Variants in LHFPL3 observed in about 807,000 individuals in gnomAD.
LHFPL3 encodes LHFPL tetraspan subfamily member 3 protein.
In LHFPL3, 5 loss-of-function variants were observed where a neutral mutation model predicts 19.3. The observed-to-expected ratio is 0.26, with a 90% CI of 0.14 to 0.54. The LOEUF is 0.54. Among genes scored for constraint, LHFPL3 ranks in the 20% least tolerant of loss-of-function variants. The pLI, the probability that LHFPL3 is intolerant of heterozygous loss-of-function variation, is 0.94. For synonymous variants in LHFPL3, 133 were observed against 126.2 expected (o/e 1.05, Z -0.36); for missense variants, 249 against 307.4 (o/e 0.81, Z 1.42).
intron 1 of LHFPL3, among the ~76,000 whole-genome samples, chr7:104,431,893 G>A (rs1792010061): frequency 6.6e-6 from 1 of 152,172 alleles, no homozygotes; most frequent in Non-Finnish European, 1.5e-5. Flanking sequence ...TTTGTGGTCT[G>A]CCAGTCCTGG....
At chr7:104,824,463 TATATA>T (rs1790766927) in intron 2 of LHFPL3, among the ~76,000 whole-genome samples, 1 of 54,222 alleles carries the variant, frequency 1.8e-5, no homozygotes, top group South Asian at 6.2e-4. Context: ...TATATAATTT[TATATA>T]TAATATATAA....
chr7:104,576,546 A>G (rs1330831066), intron 1 of LHFPL3, among the ~76,000 whole-genome samples: 1 of 152,198 alleles, frequency 6.6e-6, no homozygotes, highest in African/African-American at 2.4e-5. Context: ...CTAAACAAAG[A>G]GTAGATTCAC....
At chr7:104,904,460 G>A (rs929685923) in intron 2 of LHFPL3, among the ~76,000 whole-genome samples, 1 of 152,142 alleles carries the variant, frequency 6.6e-6, no homozygotes, top group African/African-American at 2.4e-5. Context: ...AGACCAGCCT[G>A]GCCAACATGG....
chr7:104,695,419 T>C (rs1040534683), intron 1 of LHFPL3, among the ~76,000 whole-genome samples: 6 of 152,246 alleles, frequency 3.9e-5, no homozygotes, highest in Non-Finnish European at 7.3e-5. Context: ...GATGAGACTC[T>C]TATCAAGAGG....
intron 1 of LHFPL3, among the ~76,000 whole-genome samples, chr7:104,607,610 C>A (rs537224069): frequency 6.6e-6 from 1 of 152,210 alleles, no homozygotes; most frequent in South Asian, 2.1e-4. Flanking sequence ...GTCTAAAACA[C>A]CAAAAGCAAT....
rs1790472042 is a variant in LHFPL3 at position 104,582,067 on chromosome 7, A to G, written c.446-154608A>G. ...TGAATATATGACTGATAACTATACT[A>G]AATCTTCCAATTCAAGAACTTGGCG... On this transcript the variant is annotated intron_variant, in intron 1 of 2. Transcript: ENST00000424859. Among the ~76,000 whole-genome samples the G allele has an allele frequency of 3.3e-5, 5 of 152,000 alleles. No homozygotes were observed. In the South Asian group the frequency reaches 1.0e-3, roughly 31 times the overall value.
Position 104,853,760 on chromosome 7 carries a change from G to C in LHFPL3, c.683-52427G>C, listed in dbSNP as rs138488834. Among the ~76,000 whole-genome samples the C allele has an allele frequency of 4.8e-3, 731 of 152,210 alleles. 19 individuals carry two copies. The East Asian group carries it at 0.078, about 16-fold the overall frequency. ...TTTGAACAATTTTCATTTAACACTG[G>C]ATCTGCAAATTATGTAGCTGGTCCT... is the stretch of plus-strand genomic sequence containing the variant. On this transcript the variant is annotated intron_variant, in intron 2 of 2. Coordinates refer to ENST00000424859, the MANE Select transcript of LHFPL3 (RefSeq NM_199000.3).
intron 1 of LHFPL3, among the ~76,000 whole-genome samples, chr7:104,453,308 G>A (rs1473953186): frequency 6.6e-6 from 1 of 151,418 alleles, no homozygotes; most frequent in African/African-American, 2.4e-5. Flanking sequence ...GGAGATGGCG[G>A]GAAACTACTA....
At chr7:104,857,802 C>T (rs1791537741) in intron 2 of LHFPL3, among the ~76,000 whole-genome samples, 1 of 152,156 alleles carries the variant, frequency 6.6e-6, no homozygotes, top group Admixed American at 6.5e-5. Context: ...ATTTACTGAG[C>T]TCCCAAAACT....
rs183357933 is a variant in LHFPL3 at position 104,424,771 on chromosome 7, C to G, written c.445+95547C>G. Among the ~76,000 whole-genome samples, 591 of 152,082 alleles carry G rather than the reference C, an allele frequency of 3.9e-3. 6 individuals carry two copies. The highest frequency in any genetic ancestry group is 0.013 in the African/African-American group (548 of 41,502). ...CTTTGGGAGGCCAAGGCAGGCAGAT[C>G]ACGAGGTCAGGAAATCCAGACCATC... On this transcript the variant is annotated intron_variant, in intron 1 of 2. Coordinates refer to ENST00000424859, the MANE Select transcript of LHFPL3 (RefSeq NM_199000.3).
intron 2 of LHFPL3, among the ~76,000 whole-genome samples, chr7:104,853,961 A>G (rs1791456120): frequency 6.6e-6 from 1 of 152,246 alleles, no homozygotes; most frequent in Non-Finnish European, 1.5e-5. Flanking sequence ...CTTAAAAGTA[A>G]AAAGCAAAGA....
intron 1 of LHFPL3, among the ~76,000 whole-genome samples, chr7:104,486,626 C>A (rs1793242025): frequency 6.6e-6 from 1 of 152,188 alleles, no homozygotes; most frequent in Non-Finnish European, 1.5e-5. Flanking sequence ...GATTTCAGTG[C>A]ATGTGGAGAA....
At chr7:104,370,751 G>T (rs185680950) in intron 1 of LHFPL3, among the ~76,000 whole-genome samples, 1 of 151,994 alleles carries the variant, frequency 6.6e-6, no homozygotes, top group Admixed American at 6.6e-5. Flanking sequence ...GTGTGGTGGC[G>T]GGCGCCTGTA....
At chr7:104,329,402 C>G (rs1801528186) in intron 1 of LHFPL3, among the ~76,000 whole-genome samples, 178 bp downstream of exon 1, 1 of 152,150 alleles carries the variant, frequency 6.6e-6, no homozygotes, top group South Asian at 2.1e-4. Flanking sequence ...CGGGGTTCCC[C>G]AGCCCCGGCG....
intron 1 of LHFPL3, among the ~76,000 whole-genome samples, chr7:104,388,995 A>G (rs1791005597): frequency 6.6e-6 from 1 of 152,180 alleles, no homozygotes; most frequent in South Asian, 2.1e-4. Context: ...ACCACTCTTC[A>G]ATATCATACC....
chr7:104,674,333 GA>G (rs1792546582), intron 1 of LHFPL3, among the ~76,000 whole-genome samples: 2 of 150,752 alleles, frequency 1.3e-5, no homozygotes, highest in Non-Finnish European at 3.0e-5. Context: ...GATTAAATTT[GA>G]AGTGGGAAAG....
At chr7:104,419,135 G>A (rs1337316796) in intron 1 of LHFPL3, among the ~76,000 whole-genome samples, 1 of 152,188 alleles carries the variant, frequency 6.6e-6, no homozygotes, top group Non-Finnish European at 1.5e-5. Flanking sequence ...AGTTTGGAAC[G>A]TAAGTTGGAG....
chr7:104,696,445 GGT>G (rs5886329), intron 1 of LHFPL3, among the ~76,000 whole-genome samples: 33 of 150,062 alleles, frequency 2.2e-4, no homozygotes, highest in East Asian at 3.9e-4. Context: ...AGTGTTACTA[GGT>G]GTGTGTGTGT....
chr7:104,857,073 T>G (rs74345644), intron 2 of LHFPL3, among the ~76,000 whole-genome samples: 26 of 152,356 alleles, frequency 1.7e-4, no homozygotes, highest in African/African-American at 4.6e-4. Context: ...ACCCGCGTGA[T>G]AACTTATGAA....
Sources: gnomAD v4.1 joint callset for allele counts (sites outside exome capture counted in the v4.1 genomes callset) on GRCh38, gnomAD v4.1.1 for gene constraint, MANE v1.5 for transcripts, NCBI Gene and HGNC (gene_info 2026-07-23, HGNC 2026-07-21) for gene names.